Variants in SLC25A13 observed in about 807,000 individuals in gnomAD.
SLC25A13 encodes the protein electrogenic aspartate/glutamate antiporter SLC25A13, mitochondrial.
Under a neutral mutation model 85.5 loss-of-function variants are expected in SLC25A13, and 70 were observed. That is an observed-to-expected ratio of 0.82 (90% confidence interval 0.68 to 1.00). The LOEUF (loss-of-function observed/expected upper bound fraction) is 1.00. Among genes scored for constraint, SLC25A13 ranks in the 50% least tolerant of loss-of-function variants. The pLI, the probability that SLC25A13 is intolerant of heterozygous loss-of-function variation, is 0.00. For missense variants in SLC25A13, 765 were observed against 819.8 expected (o/e 0.93, Z 0.82); for synonymous variants, 259 against 288.7 (o/e 0.90, Z 1.04).
chr7:96,287,688 A>G (rs1008331990), intron 2 of SLC25A13, among the ~76,000 whole-genome samples: 1 of 152,218 alleles, frequency 6.6e-6, no homozygotes, highest in African/African-American at 2.4e-5. Flanking sequence ...GTGGAGTCTT[A>G]TCAATGGATC....
At chr7:96,286,906 G>T (rs1351234986) in intron 2 of SLC25A13, among the ~76,000 whole-genome samples, 2 of 152,168 alleles carry the variant, frequency 1.3e-5, no homozygotes, top group Admixed American at 6.5e-5. Flanking sequence ...ATCACACCTG[G>T]TGTGAAGGCT....
chr7:96,170,367 G>A (rs1224428504), intron 12 of SLC25A13, among the ~76,000 whole-genome samples: 1 of 152,082 alleles, frequency 6.6e-6, no homozygotes, highest in African/African-American at 2.4e-5. Flanking sequence ...AAAGATAAAT[G>A]AAAGCCAAAA....
At chr7:96,171,557 A>C (rs1222880561) in intron 11 of SLC25A13, 33 bp from the exon 12 acceptor site, 1 of 1,565,466 alleles carries the variant, frequency 6.4e-7, no homozygotes, top group South Asian at 1.1e-5. Flanking sequence ...AGTATATTAA[A>C]TAAATTAGCA....
chr7:96,286,900 C>T (rs1211842309), intron 2 of SLC25A13, among the ~76,000 whole-genome samples: 2 of 152,220 alleles, frequency 1.3e-5, no homozygotes, highest in African/African-American at 4.8e-5. Context: ...GCTACCATCA[C>T]ACCTGGTGTG....
intron 3 of SLC25A13, among the ~76,000 whole-genome samples, chr7:96,237,452 C>T (rs554732447): frequency 6.6e-6 from 1 of 152,274 alleles, no homozygotes; most frequent in African/African-American, 2.4e-5. Context: ...CTGGCAAGAG[C>T]GAGATGCCAG....
intron 12 of SLC25A13, 133 bp downstream of exon 12, chr7:96,171,339 G>C: frequency 1.3e-6 from 1 of 779,074 alleles, no homozygotes; most frequent in Non-Finnish European, 2.2e-6. Context: ...AAATGTGTGT[G>C]GTGAGTTCCC....
intron 4 of SLC25A13, among the ~76,000 whole-genome samples, chr7:96,227,613 T>C (rs1027648097): frequency 6.6e-6 from 1 of 152,168 alleles, no homozygotes; most frequent in African/African-American, 2.4e-5. Context: ...TCAGATACAG[T>C]CCCATACTGG....
chr7:96,218,015 A>G (rs917335143), intron 4 of SLC25A13, among the ~76,000 whole-genome samples: 8 of 152,032 alleles, frequency 5.3e-5, no homozygotes, highest in African/African-American at 1.9e-4. Flanking sequence ...AAATGGGAAT[A>G]TCTATCTTAG....
chr7:96,274,275 T>C (rs1798358537), intron 3 of SLC25A13, among the ~76,000 whole-genome samples: 1 of 152,222 alleles, frequency 6.6e-6, no homozygotes, highest in Non-Finnish European at 1.5e-5. Flanking sequence ...TGAGTATTTT[T>C]TCATGTGTCT....
intron 5 of SLC25A13, among the ~76,000 whole-genome samples, chr7:96,201,411 C>G (rs1204066608): frequency 6.6e-6 from 1 of 151,162 alleles, no homozygotes; most frequent in African/African-American, 2.4e-5. Flanking sequence ...ACTCCAGAGG[C>G]TGAGGCAGGA....
chr7:96,283,117 G>T (rs1399839403), intron 2 of SLC25A13, among the ~76,000 whole-genome samples: 1 of 152,108 alleles, frequency 6.6e-6, no homozygotes, highest in Non-Finnish European at 1.5e-5. Context: ...CCACTTCTAG[G>T]AATTTATCCT....
At chr7:96,201,947 G>A (rs1795273416) in intron 5 of SLC25A13, among the ~76,000 whole-genome samples, 1 of 152,146 alleles carries the variant, frequency 6.6e-6, no homozygotes, top group Non-Finnish European at 1.5e-5. Flanking sequence ...TCTCTGGCTT[G>A]TAGAGGGACA....
At chr7:96,135,302 C>A (rs545456339) in intron 14 of SLC25A13, among the ~76,000 whole-genome samples, 96 of 152,256 alleles carry the variant, frequency 6.3e-4, no homozygotes, top group Non-Finnish European at 1.2e-3. Flanking sequence ...CTCCCAGTTG[C>A]GTCAGGAGGC....
rs528316168 is a variant in SLC25A13 at position 96,241,104 on chromosome 7, A to C, written c.213-6187T>G. On this transcript the variant is annotated intron_variant, in intron 3 of 17. Transcript: ENST00000265631. ...AAAGAAAGAAAGAAAGAAAGAAAGA[A>C]AGGCACTTTATACCAAGGGCTGGGA... 2.3e-3 allele frequency among the ~76,000 whole-genome samples: 332 copies of C among 145,648 alleles called. 1 individual carries two copies. Among genetic ancestry groups the C allele is most frequent in the African/African-American group, 7.9e-3 (312 of 39,280 alleles).
chr7:96,142,991 T>A (rs1464887390), intron 14 of SLC25A13, among the ~76,000 whole-genome samples: 3 of 152,224 alleles, frequency 2.0e-5, no homozygotes, highest in African/African-American at 7.2e-5. Context: ...CGCCTTTGAT[T>A]AGAACACAGC....
intron 4 of SLC25A13, among the ~76,000 whole-genome samples, chr7:96,211,417 T>C (rs1486774972): frequency 6.6e-6 from 1 of 152,134 alleles, no homozygotes; most frequent in East Asian, 1.9e-4. Flanking sequence ...TGAAAAAAGA[T>C]CTCTCTATAA....
In SLC25A13 at chr7:96,161,995, CAT is replaced by C. The variant is rs1415815891; in HGVS notation, c.1311+8048_1311+8049del. 9.8e-5 allele frequency among the ~76,000 whole-genome samples: 15 copies of C among 152,340 alleles called. No individual in the cohort carries two copies. In the East Asian group the frequency reaches 2.1e-3, roughly 22 times the overall value. On this transcript the variant is annotated intron_variant, in intron 13 of 17. Transcript: ENST00000265631. ...TGCATAATGTATCTTGATTAATTCACATGTCACACAAGAGTGACTTCATAAAA... is the reference window on the plus strand; with the variant it reads ...TGCATAATGTATCTTGATTAATTCACGTCACACAAGAGTGACTTCATAAAA...
intron 13 of SLC25A13, among the ~76,000 whole-genome samples, chr7:96,150,906 T>C (rs1208233933): frequency 6.6e-6 from 1 of 152,018 alleles, no homozygotes; most frequent in Admixed American, 6.6e-5. Flanking sequence ...GAAAGGATTT[T>C]CAATGGAGTT....
At chr7:96,190,266 C>T (rs899994058) in intron 7 of SLC25A13, among the ~76,000 whole-genome samples, 12 of 151,484 alleles carry the variant, frequency 7.9e-5, no homozygotes, top group African/African-American at 1.7e-4. Context: ...TTTATATATA[C>T]ATTTTTAGTA....
Sources: allele counts gnomAD v4.1 joint callset (sites outside exome capture counted in the v4.1 genomes callset), GRCh38; gene constraint gnomAD v4.1.1; transcripts MANE v1.5; gene names NCBI Gene and HGNC (gene_info 2026-07-23, HGNC 2026-07-21).